Variants in VPS13B observed in about 807,000 individuals in gnomAD.
VPS13B encodes vacuolar protein sorting 13 homolog B.
In VPS13B, 285 loss-of-function variants were observed where a neutral mutation model predicts 426.4. The observed-to-expected ratio is 0.67, with a 90% confidence interval of 0.61 to 0.74. The LOEUF (loss-of-function observed/expected upper bound fraction) is 0.74, where lower values mean the gene tolerates loss of function less well. VPS13B is among the 30% of genes least tolerant of loss of function. VPS13B has a pLI of 0.00. For missense variants in VPS13B, 4,537 were observed against 4,782.6 expected (o/e 0.95, Z 1.51); for synonymous variants, 1,676 against 1,676.4 (o/e 1.00, Z 0.01).
chr8:99,141,289 G>GC (rs1810406376), intron 12 of VPS13B, among the ~76,000 whole-genome samples: 1 of 152,136 alleles, frequency 6.6e-6, no homozygotes, highest in Non-Finnish European at 1.5e-5. Context: ...AATTTAAACT[G>GC]CATTATATTC....
At chr8:99,727,382 T>C (rs1366884094) in intron 39 of VPS13B, among the ~76,000 whole-genome samples, 1 of 152,182 alleles carries the variant, frequency 6.6e-6, no homozygotes, top group Non-Finnish European at 1.5e-5. Flanking sequence ...ACAAGATGGA[T>C]TGGGTATTGT....
chr8:99,420,105 T>C (rs990942166), intron 21 of VPS13B, among the ~76,000 whole-genome samples: 3 of 152,194 alleles, frequency 2.0e-5, no homozygotes, highest in African/African-American at 7.2e-5. Flanking sequence ...TTAAGGCTTT[T>C]ACTTAGCAGA....
intron 19 of VPS13B, among the ~76,000 whole-genome samples, chr8:99,350,386 G>C (rs1171228306): frequency 2.6e-5 from 4 of 152,176 alleles, no homozygotes; most frequent in Non-Finnish European, 5.9e-5. Flanking sequence ...GATCATTTTG[G>C]TTGCAGTGTG....
chr8:99,521,051 A>G, intron 30 of VPS13B, 41 bp downstream of exon 30: 3 of 1,521,864 alleles, frequency 2.0e-6, no homozygotes, highest in Non-Finnish European at 2.7e-6. Flanking sequence ...AACAATTTTC[A>G]TCCTGCAAAC....
intron 3 of VPS13B, among the ~76,000 whole-genome samples, chr8:99,051,875 G>C (rs968324020): frequency 1.3e-5 from 2 of 152,180 alleles, no homozygotes; most frequent in African/African-American, 2.4e-5. Flanking sequence ...TTTGCACATT[G>C]ATTTTGTATC....
rs1396941772 is a variant in VPS13B at position 99,391,779 on chromosome 8, A to T, written c.3082+75A>T. ...CTAGCAAGTTAGCATCCACAATTTC[A>T]TGGATGCTGGCCAAAGACATGAGAC... On this transcript the variant is annotated intron_variant, in intron 21 of 61. Transcript: ENST00000357162. The T allele has an allele frequency of 6.5e-6, 10 of 1,547,442 alleles. No homozygotes were observed. In the East Asian group the frequency reaches 1.9e-4, roughly 29 times the overall value.
intron 54 of VPS13B, among the ~76,000 whole-genome samples, chr8:99,845,096 A>T (rs751050018): frequency 5.3e-5 from 8 of 152,198 alleles, no homozygotes; most frequent in Non-Finnish European, 1.2e-4. Context: ...TATAGCTTTC[A>T]ATATCGATTT....
At chr8:99,577,395 C>T in intron 32 of VPS13B, 95 bp from the exon 33 acceptor site, 1 of 1,560,888 alleles carries the variant, frequency 6.4e-7, no homozygotes, top group Non-Finnish European at 8.8e-7. Flanking sequence ...TAGGAAATGT[C>T]ACCAAAGTAG....
At chr8:99,322,398 T>G (rs1453611778) in intron 19 of VPS13B, among the ~76,000 whole-genome samples, 2 of 152,296 alleles carry the variant, frequency 1.3e-5, no homozygotes, top group East Asian at 1.9e-4. Flanking sequence ...ATTCCGTTTG[T>G]TTTCAAGAAC....
At chr8:99,871,322 T>C in intron 60 of VPS13B, 126 bp from the exon 61 acceptor site, 10 of 1,396,052 alleles carry the variant, frequency 7.2e-6, no homozygotes, top group Non-Finnish European at 1.0e-5. Flanking sequence ...CAAGCTAAAA[T>C]GGGTAACTGG....
At chr8:99,023,827 G>A (rs1054059852) in intron 2 of VPS13B, among the ~76,000 whole-genome samples, 5 of 152,144 alleles carry the variant, frequency 3.3e-5, no homozygotes, top group Non-Finnish European at 7.3e-5. Context: ...GGATAGTTAG[G>A]TTGATTCCAT....
chr8:99,344,116 G>C (rs1050550463), intron 19 of VPS13B, among the ~76,000 whole-genome samples: 1 of 152,128 alleles, frequency 6.6e-6, no homozygotes, highest in African/African-American at 2.4e-5. Flanking sequence ...CAAATACATT[G>C]ATCAATGGAA....
At chr8:99,532,460 A>G (rs528456750) in intron 30 of VPS13B, among the ~76,000 whole-genome samples, 1 of 152,254 alleles carries the variant, frequency 6.6e-6, no homozygotes, top group African/African-American at 2.4e-5. Context: ...GTGGCAGTTT[A>G]ATCCATGAAA....
At chr8:99,186,304 TGTA>T (rs1259400245) in intron 16 of VPS13B, among the ~76,000 whole-genome samples, 2 of 152,096 alleles carry the variant, frequency 1.3e-5, no homozygotes, top group Non-Finnish European at 2.9e-5. Flanking sequence ...TTAATAAATA[TGTA>T]GTAGTCTAAA....
Position 99,270,818 on chromosome 8 carries a change from TTC to T in VPS13B, c.2516-3378_2516-3377del, listed in dbSNP as rs1482458054. Among the ~76,000 whole-genome samples, 7 of 151,552 alleles carry T rather than the reference TTC, an allele frequency of 4.6e-5. No homozygotes were observed. In the East Asian group the frequency reaches 1.2e-3, roughly 25 times the overall value. On this transcript the variant is annotated intron_variant, in intron 17 of 61. Coordinates refer to ENST00000357162, the MANE Select transcript of VPS13B (RefSeq NM_152564.5). ...CAGGGGAGGGAAGGCTATTATTAAG[TTC>T]TGTTTCTCTCTCATCATCTAACATA...
chr8:99,651,152 G>A (rs985433237), intron 34 of VPS13B, among the ~76,000 whole-genome samples: 23 of 152,142 alleles, frequency 1.5e-4, no homozygotes, highest in African/African-American at 3.6e-4. Context: ...ATTTAAAAAC[G>A]TATTTGAGAT....
chr8:99,159,502 C>G (rs999037463), intron 15 of VPS13B, among the ~76,000 whole-genome samples: 2 of 152,096 alleles, frequency 1.3e-5, no homozygotes, highest in African/African-American at 4.8e-5. Context: ...ATCAATATGG[C>G]AAACTTCATT....
At chr8:99,843,555 A>G (rs1023580176) in intron 54 of VPS13B, among the ~76,000 whole-genome samples, 2 of 152,184 alleles carry the variant, frequency 1.3e-5, no homozygotes, top group Non-Finnish European at 1.5e-5. Context: ...CTGCTGTTTT[A>G]TAGGACAGGG....
chr8:99,573,828 T>G (rs1825617620), intron 31 of VPS13B, among the ~76,000 whole-genome samples: 1 of 152,308 alleles, frequency 6.6e-6, no homozygotes, highest in African/African-American at 2.4e-5. Flanking sequence ...TTTTTCCAAT[T>G]CTGTGAAGAA....
Sources: gnomAD v4.1 joint callset for allele counts (sites outside exome capture counted in the v4.1 genomes callset) on GRCh38, gnomAD v4.1.1 for gene constraint, MANE v1.5 for transcripts, NCBI Gene and HGNC (gene_info 2026-07-23, HGNC 2026-07-21) for gene names.